BTBD9: variants seen among roughly 807,000 people sequenced by gnomAD.
BTBD9 encodes BTB/POZ domain-containing protein 9.
BTBD9 carries 49 observed loss-of-function variants against 64.3 expected under a neutral mutation model. That is an observed-to-expected ratio of 0.76 (90% CI 0.61 to 0.97). The LOEUF is 0.97. BTBD9 is among the 50% of genes least tolerant of loss of function. BTBD9 has a pLI of 0.00. For missense variants in BTBD9, 598 were observed against 762.1 expected (o/e 0.78, Z 2.53); for synonymous variants, 260 against 274.7 (o/e 0.95, Z 0.53).
At chr6:38,585,138 A>G (rs899239859) in intron 4 of BTBD9, among the ~76,000 whole-genome samples, 1 of 152,040 alleles carries the variant, frequency 6.6e-6, no homozygotes, top group Non-Finnish European at 1.5e-5. Context: ...CTCAGGAGAC[A>G]AGAGCATGTG....
chr6:38,207,293 T>C, intron 9 of BTBD9: 1 of 254,906 alleles, frequency 3.9e-6, no homozygotes, highest in Admixed American at 4.0e-5. Context: ...TGTAATGGCA[T>C]GTATTAGCTG....
chr6:38,513,243 C>T lies in BTBD9; in HGVS notation c.1154+64357G>A, dbSNP rs532581636. On this transcript the variant is annotated intron_variant, in intron 6 of 10. Transcript: ENST00000481247. ...GGCCGAGGGGAGTGGATCAGGAGTT[C>T]CAGACCAGCCTGATCAACGTGGTGA... Among the ~76,000 whole-genome samples the T allele has an allele frequency of 2.4e-4, 36 of 152,170 alleles. 1 individual carries two copies. The highest frequency in any genetic ancestry group is 1.0e-3 in the Admixed American group (16 of 15,270).
At chr6:38,297,249 C>G (rs1762189962) in intron 7 of BTBD9, among the ~76,000 whole-genome samples, 1 of 152,028 alleles carries the variant, frequency 6.6e-6, no homozygotes, top group African/African-American at 2.4e-5. Flanking sequence ...ACCTGTAATC[C>G]CAGCTACCCA....
At chr6:38,611,591 G>A (rs1292041651) in intron 1 of BTBD9, among the ~76,000 whole-genome samples, 2 of 152,012 alleles carry the variant, frequency 1.3e-5, no homozygotes, top group Non-Finnish European at 1.5e-5. Context: ...AATCCTGGAG[G>A]GCAGTGACTA....
chr6:38,193,633 G>A (rs1762174995), intron 9 of BTBD9, among the ~76,000 whole-genome samples: 1 of 152,144 alleles, frequency 6.6e-6, no homozygotes, highest in Admixed American at 6.6e-5. Flanking sequence ...CTGGAGGAGT[G>A]CATGGCACCC....
intron 6 of BTBD9, among the ~76,000 whole-genome samples, chr6:38,382,048 A>G (rs1582332525): frequency 1.3e-5 from 2 of 152,274 alleles, no homozygotes; most frequent in African/African-American, 4.8e-5. Flanking sequence ...ACTGGCAAAA[A>G]CTGTCCGAAT....
Position 38,184,873 on chromosome 6 carries a change from T to C in BTBD9, c.1641+7646A>G, listed in dbSNP as rs1482249422. On this transcript the variant is annotated intron_variant, in intron 10 of 10. Transcript: ENST00000481247. The surrounding 1 kb of genome is among the most constrained non-coding windows in gnomAD (Gnocchi z 4.4). ...ATGGGAGCCCAGAGCCACTCACTGGTCTGACCGAAGCCAGTAAATAAATTC... is the reference window on the plus strand; with the variant it reads ...ATGGGAGCCCAGAGCCACTCACTGGCCTGACCGAAGCCAGTAAATAAATTC... 1.3e-5 allele frequency among the ~76,000 whole-genome samples: 2 copies of C among 152,200 alleles called. No individual in the cohort carries two copies. Among genetic ancestry groups the C allele is most frequent in the Admixed American group, 1.3e-4 (2 of 15,288 alleles).
chr6:38,454,456 T>A (rs1232975219), intron 6 of BTBD9, among the ~76,000 whole-genome samples: 1 of 149,750 alleles, frequency 6.7e-6, no homozygotes, highest in Non-Finnish European at 1.5e-5. Context: ...ATTGGCCCTA[T>A]ATTTAATTAT....
intron 6 of BTBD9, among the ~76,000 whole-genome samples, chr6:38,396,200 G>A (rs576354539): frequency 6.6e-6 from 1 of 152,322 alleles, no homozygotes; most frequent in African/African-American, 2.4e-5. Context: ...GGTTTTAAAA[G>A]AGGGAAATGA....
chr6:38,449,795 C>G (rs1406880525), intron 6 of BTBD9, among the ~76,000 whole-genome samples: 1 of 151,854 alleles, frequency 6.6e-6, no homozygotes, highest in Non-Finnish European at 1.5e-5. Context: ...GGATTGAAGC[C>G]TTAGATGTAG....
intron 1 of BTBD9, among the ~76,000 whole-genome samples, chr6:38,630,916 A>G (rs1040098205): frequency 1.3e-5 from 2 of 152,218 alleles, no homozygotes; most frequent in Non-Finnish European, 2.9e-5. Flanking sequence ...ATGCAGCCCA[A>G]TGTCACTGTA....
intron 6 of BTBD9, among the ~76,000 whole-genome samples, chr6:38,490,381 C>T (rs562824853): frequency 1.1e-3 from 166 of 152,204 alleles, no homozygotes; most frequent in Non-Finnish European, 1.9e-3. Flanking sequence ...AGTGCAGTGG[C>T]GCAATCTCGG....
intron 6 of BTBD9, among the ~76,000 whole-genome samples, chr6:38,381,913 A>T (rs1194249278): frequency 1.3e-5 from 2 of 152,150 alleles, no homozygotes; most frequent in Non-Finnish European, 2.9e-5. Flanking sequence ...TAGATAATAT[A>T]AGAATAATAA....
intron 9 of BTBD9, among the ~76,000 whole-genome samples, chr6:38,211,679 G>A (rs1214522010): frequency 6.6e-6 from 1 of 152,084 alleles, no homozygotes; most frequent in African/African-American, 2.4e-5. Context: ...AGGAGGTGGA[G>A]GTTGCAGTGA....
At chr6:38,618,816 G>T (rs1777885032) in intron 1 of BTBD9, among the ~76,000 whole-genome samples, 1 of 152,170 alleles carries the variant, frequency 6.6e-6, no homozygotes, top group Non-Finnish European at 1.5e-5. Flanking sequence ...TTAATGAAAA[G>T]AATGTGGCTT....
chr6:38,328,928 C>CAGAGAA (rs1357822616), intron 7 of BTBD9, among the ~76,000 whole-genome samples: 28 of 137,110 alleles, frequency 2.0e-4, no homozygotes, highest in Admixed American at 1.3e-3. Flanking sequence ...GCCTGGGTGA[C>CAGAGAA]AGAGCAAGAC....
At chr6:38,183,222 C>T (rs947447347) in intron 10 of BTBD9, among the ~76,000 whole-genome samples, 3 of 152,184 alleles carry the variant, frequency 2.0e-5, no homozygotes, top group Non-Finnish European at 4.4e-5. Flanking sequence ...CGTGATCTGC[C>T]CGCCTCGGCC....
intron 6 of BTBD9, among the ~76,000 whole-genome samples, chr6:38,461,641 G>C (rs1049581128): frequency 6.6e-6 from 1 of 152,168 alleles, no homozygotes; most frequent in Non-Finnish European, 1.5e-5. Context: ...GTAAGTCTTT[G>C]TATGGGTATA....
At chr6:38,521,260 A>C (rs1017045952) in intron 6 of BTBD9, among the ~76,000 whole-genome samples, 17 of 152,220 alleles carry the variant, frequency 1.1e-4, no homozygotes, top group African/African-American at 3.6e-4. Context: ...TCCATCTACA[A>C]AATGTGGAAA....
Sources: allele counts gnomAD v4.1 joint callset (sites outside exome capture counted in the v4.1 genomes callset), GRCh38; gene constraint gnomAD v4.1.1; non-coding constraint Gnocchi (gnomAD v3.1); transcripts MANE v1.5; gene names NCBI Gene and HGNC (gene_info 2026-07-23, HGNC 2026-07-21).